The following RIPOR3 variants were observed in gnomAD, a reference collection of about 807,000 sequenced individuals.
RIPOR3 encodes family with sequence similarity 65 member C.
A neutral mutation model predicts 114.3 loss-of-function variants in RIPOR3; 95 were observed. The ratio of observed to expected loss-of-function variants is 0.83; its 90% confidence interval spans 0.70 to 0.99. The LOEUF is 0.99. RIPOR3 is among the 50% of genes least tolerant of loss of function. The pLI is 0.00. For missense variants in RIPOR3, 1,252 were observed against 1,266.9 expected (o/e 0.99, Z 0.18); for synonymous variants, 575 against 543.8 (o/e 1.06, Z -0.80).
intron 1 of RIPOR3, among the ~76,000 whole-genome samples, chr20:50,658,833 C>T (rs1203128975): frequency 6.6e-6 from 1 of 152,110 alleles, no homozygotes; most frequent in Non-Finnish European, 1.5e-5. Context: ...AGTCACATAG[C>T]TTATAAATGG....
rs937452261 is a variant in RIPOR3, at chr20:50,586,967, C to T, written c.*265G>A. ...GCTCTGCATCTCGGGGAAGGTCACA[C>T]AGACCCTCAGCCAGAAGTTGAGCGC... On this transcript the variant is annotated 3_prime_UTR_variant, in exon 22 of 22. Transcript: ENST00000327979. 6 of 421,158 alleles carry T rather than the reference C, an allele frequency of 1.4e-5. No homozygotes were observed. The highest frequency in any genetic ancestry group is 1.3e-3 in the Middle Eastern group (2 of 1,516). The allele number at this position is 421,158 out of a possible 1,614,324, so 26.1% of individuals were successfully genotyped here.
intron 1 of RIPOR3, among the ~76,000 whole-genome samples, chr20:50,681,485 A>G (rs1002919864): frequency 5.3e-5 from 8 of 152,180 alleles, no homozygotes; most frequent in Non-Finnish European, 8.8e-5. Flanking sequence ...GGACGAAGCC[A>G]GAAGAGCTGG....
At position 50,597,713 on chromosome 20, in the gene RIPOR3, G is replaced by A; in HGVS notation, c.1660-3C>T. ...TGCTCCTGCCGTGCTCTGCAGGGCT[G>A]TGGACGAAGTGGCCAGACCTGAGGG... is the stretch of plus-strand genomic sequence containing the variant. On this transcript the variant is annotated splice_polypyrimidine_tract_variant and splice_region_variant and intron_variant, in intron 13 of 21. Transcript: ENST00000327979. The A allele has an allele frequency of 1.2e-6, 2 of 1,611,866 alleles. No homozygotes were observed. Among genetic ancestry groups the A allele is most frequent in the Non-Finnish European group, 1.7e-6 (2 of 1,179,114 alleles).
chr20:50,639,039 T>C (rs1453159953), intron 1 of RIPOR3, among the ~76,000 whole-genome samples: 7 of 152,162 alleles, frequency 4.6e-5, no homozygotes, highest in South Asian at 2.1e-4. Context: ...GTCAGGAGTT[T>C]GAAACCAGCC....
intron 1 of RIPOR3, among the ~76,000 whole-genome samples, chr20:50,664,223 G>C (rs1055833056): frequency 6.6e-6 from 1 of 152,120 alleles, no homozygotes; most frequent in African/African-American, 2.4e-5. Context: ...CACCGCACCT[G>C]GCCCCAATAT....
intron 1 of RIPOR3, among the ~76,000 whole-genome samples, chr20:50,657,911 A>G (rs758624684): frequency 1.1e-4 from 16 of 151,798 alleles, no homozygotes; most frequent in Non-Finnish European, 2.1e-4. Context: ...GTGCACCACC[A>G]TGCCTGGCTA....
rs567944079 is a variant in RIPOR3 at position 50,644,924 on chromosome 20, C to T, written c.4-14068G>A. On this transcript the variant is annotated intron_variant, in intron 1 of 21. Transcript: ENST00000327979. ...GCGCAATCTTGGCTCATTGCAACCT[C>T]CACCTCCGTGGTTCAAGCAGTTCCC... 2.0e-5 allele frequency among the ~76,000 whole-genome samples: 3 copies of T among 151,564 alleles called. No individual in the cohort carries two copies. In the East Asian group the frequency reaches 5.8e-4, roughly 29 times the overall value.
At chr20:50,616,628 G>C (rs188685055) in intron 3 of RIPOR3, among the ~76,000 whole-genome samples, 1 of 152,096 alleles carries the variant, frequency 6.6e-6, no homozygotes, top group Non-Finnish European at 1.5e-5. Flanking sequence ...ACAGGGGTGA[G>C]CTACCGCATC....
intron 1 of RIPOR3, among the ~76,000 whole-genome samples, chr20:50,658,621 A>G (rs2085893843): frequency 1.3e-5 from 2 of 152,048 alleles, no homozygotes; most frequent in African/African-American, 4.8e-5. Context: ...GGGAGGATTG[A>G]TTAGACTCAA....
chr20:50,615,879 T>C (rs1168465066), intron 4 of RIPOR3, 123 bp downstream of exon 4: 9 of 897,634 alleles, frequency 1.0e-5, no homozygotes, highest in Non-Finnish European at 1.5e-5. Flanking sequence ...GAAGAGGCTA[T>C]TCCATAAACC....
rs1289444059 is a variant in RIPOR3, at chr20:50,611,161, C to T, written c.372+20G>A. The T allele has an allele frequency of 1.2e-6, 2 of 1,614,218 alleles. No homozygotes were observed. Among genetic ancestry groups the T allele is most frequent in the Admixed American group, 1.7e-5 (1 of 60,026 alleles). ...ATCCAGCCAGGCCCAGCCCACCTCA[C>T]TCACCGTATGCAGACTCACCTTGTC... On this transcript the variant is annotated intron_variant, in intron 5 of 21. Transcript: ENST00000327979.
chr20:50,671,406 A>T (rs2086479875), intron 1 of RIPOR3, among the ~76,000 whole-genome samples: 1 of 134,242 alleles, frequency 7.4e-6, no homozygotes, highest in Admixed American at 8.2e-5. Context: ...TCACATGAGC[A>T]CGCGCGCGTG....
At chr20:50,680,135 G>A (rs748373518) in intron 1 of RIPOR3, among the ~76,000 whole-genome samples, 4 of 152,290 alleles carry the variant, frequency 2.6e-5, no homozygotes, top group East Asian at 1.9e-4. Flanking sequence ...CCCACCCTCC[G>A]CTGGCCTTGG....
chr20:50,681,017 G>A (rs1476291950), intron 1 of RIPOR3, among the ~76,000 whole-genome samples: 3 of 152,088 alleles, frequency 2.0e-5, no homozygotes, highest in Non-Finnish European at 2.9e-5. Flanking sequence ...TTCAGCTCAG[G>A]AGTTTGAGAC....
At chr20:50,661,014 G>C (rs1469560259) in intron 1 of RIPOR3, among the ~76,000 whole-genome samples, 1 of 151,822 alleles carries the variant, frequency 6.6e-6, no homozygotes, top group Non-Finnish European at 1.5e-5. Flanking sequence ...GAGGTGAGTG[G>C]ATCACCTGAG....
At chr20:50,625,019 C>T (rs888459437) in intron 2 of RIPOR3, among the ~76,000 whole-genome samples, 5 of 151,872 alleles carry the variant, frequency 3.3e-5, no homozygotes, top group African/African-American at 1.2e-4. Flanking sequence ...GTGATGATGA[C>T]AGGCATGCAC....
intron 3 of RIPOR3, among the ~76,000 whole-genome samples, chr20:50,619,268 G>A (rs532995662): frequency 2.0e-5 from 3 of 150,260 alleles, no homozygotes; most frequent in South Asian, 2.1e-4. Flanking sequence ...GCAAAACTCC[G>A]TCTCAAAAAA....
intron 1 of RIPOR3, among the ~76,000 whole-genome samples, chr20:50,633,980 C>CTTTTTTTTT (rs375758598): frequency 2.1e-4 from 28 of 131,012 alleles, no homozygotes; most frequent in Non-Finnish European, 3.6e-4. Context: ...TCTTTCTTTT[C>CTTTTTTTTT]TTTTTTTTTT....
intron 1 of RIPOR3, among the ~76,000 whole-genome samples, chr20:50,658,725 A>C (rs1343035130): frequency 1.3e-5 from 2 of 152,118 alleles, no homozygotes; most frequent in African/African-American, 4.8e-5. Flanking sequence ...AATTATAATC[A>C]ATCTTTACAT....
Sources: allele counts gnomAD v4.1 joint callset (sites outside exome capture counted in the v4.1 genomes callset), GRCh38; gene constraint gnomAD v4.1.1; transcripts MANE v1.5; gene names NCBI Gene and HGNC (gene_info 2026-07-23, HGNC 2026-07-21).